The following SNUPN variants were observed in gnomAD, a reference collection of about 807,000 sequenced individuals.
The protein encoded by SNUPN is snurportin-1.
SNUPN carries 31 observed loss-of-function variants against 39.2 expected under a neutral mutation model. The observed-to-expected ratio is 0.79, with a 90% CI of 0.59 to 1.07. The LOEUF (loss-of-function observed/expected upper bound fraction) is 1.07. SNUPN is among the 50% of genes least tolerant of loss of function. The pLI, the probability that SNUPN is intolerant of heterozygous loss-of-function variation, is 0.00. For missense variants in SNUPN, 382 were observed against 434.2 expected (o/e 0.88, Z 1.07); for synonymous variants, 132 against 159.0 (o/e 0.83, Z 1.28).
At chr15:75,608,722 T>C (rs1487867510) in intron 5 of SNUPN, among the ~76,000 whole-genome samples, 4 of 152,170 alleles carry the variant, frequency 2.6e-5, no homozygotes, top group Admixed American at 6.5e-5. Context: ...TTGACCTTAA[T>C]TCAGGAATTT....
intron 7 of SNUPN, among the ~76,000 whole-genome samples, chr15:75,603,309 A>T (rs2075305257): frequency 6.9e-6 from 1 of 145,336 alleles, no homozygotes; most frequent in Admixed American, 6.8e-5. Flanking sequence ...GGCCTCCCAA[A>T]GTGCTGGGAT....
intron 2 of SNUPN, among the ~76,000 whole-genome samples, chr15:75,619,855 T>G (rs552267414): frequency 3.7e-4 from 57 of 152,126 alleles, no homozygotes; most frequent in Non-Finnish European, 6.9e-4. Context: ...TTCAAGTGAT[T>G]CTCCTGTCTC....
In SNUPN at chr15:75,611,754, T is replaced by C. The variant is rs547044023; in HGVS notation, c.304-1760A>G. On this transcript the variant is annotated intron_variant, in intron 3 of 8. Coordinates refer to ENST00000308588, the MANE Select transcript of SNUPN (RefSeq NM_005701.4). ...CCCGTAGTCCCAGCTACTCGGGAGG[T>C]TGAGGCGGGAGAATCACTTGAAGCT... Among the ~76,000 whole-genome samples, 16 of 151,316 alleles carry C rather than the reference T, an allele frequency of 1.1e-4. No homozygotes were observed. The South Asian group carries it at 2.7e-3, about 26-fold the overall frequency.
chr15:75,619,502 T>A (rs1260013338), intron 2 of SNUPN, among the ~76,000 whole-genome samples: 1 of 151,706 alleles, frequency 6.6e-6, no homozygotes, highest in African/African-American at 2.4e-5. Flanking sequence ...ATTAGCCAGG[T>A]GCTATGGAGT....
intron 1 of SNUPN, among the ~76,000 whole-genome samples, chr15:75,621,702 A>G (rs1893075891): frequency 6.6e-6 from 1 of 152,178 alleles, no homozygotes; most frequent in African/African-American, 2.4e-5. Context: ...TCCAGAGGAA[A>G]CACTGGTTCT....
intron 7 of SNUPN, 143 bp from the exon 8 acceptor site, chr15:75,601,361 G>T (rs2075285301): frequency 1.7e-6 from 1 of 590,896 alleles, no homozygotes; most frequent in Non-Finnish European, 3.1e-6. Flanking sequence ...GATCACCTGA[G>T]GTCAAGAAAT....
At chr15:75,610,215 T>G (rs185206336) in intron 3 of SNUPN, among the ~76,000 whole-genome samples, 1 of 151,772 alleles carries the variant, frequency 6.6e-6, no homozygotes, top group Non-Finnish European at 1.5e-5. Context: ...CTGGCCAACA[T>G]AGTGAAATCT....
intron 3 of SNUPN, among the ~76,000 whole-genome samples, chr15:75,616,719 C>T (rs777221464): frequency 5.9e-5 from 9 of 152,178 alleles, no homozygotes; most frequent in Non-Finnish European, 1.0e-4. Context: ...TTCTGAAATA[C>T]CTGAGCTGCC....
intron 1 of SNUPN, among the ~76,000 whole-genome samples, chr15:75,624,216 C>G (rs1329584459): frequency 1.3e-5 from 2 of 150,612 alleles, no homozygotes; most frequent in Non-Finnish European, 3.0e-5. Flanking sequence ...CGTGAGCCAC[C>G]GCGCCCGGCC....
At chr15:75,610,954 G>A (rs1187874622) in intron 3 of SNUPN, among the ~76,000 whole-genome samples, 1 of 152,060 alleles carries the variant, frequency 6.6e-6, no homozygotes, top group Admixed American at 6.6e-5. Flanking sequence ...CGGATCACGA[G>A]GTCAAGAGAT....
intron 3 of SNUPN, among the ~76,000 whole-genome samples, chr15:75,614,363 G>A (rs1892874733): frequency 2.0e-5 from 3 of 151,954 alleles, no homozygotes; most frequent in Admixed American, 2.0e-4. Context: ...CAAAAAGTAG[G>A]AGCAACTCAA....
At chr15:75,614,120 G>A (rs939255379) in intron 3 of SNUPN, among the ~76,000 whole-genome samples, 16 of 151,828 alleles carry the variant, frequency 1.1e-4, no homozygotes, top group Admixed American at 3.9e-4. Context: ...TGAAACTCCC[G>A]TCTCTACTAA....
rs538810129 is a variant in SNUPN, at chr15:75,602,433, G to A, written c.679-1215C>T. Reference sequence around the variant, plus strand: ...CCCAGCTACTTGGGAGGCTGAGGCAGAAGAATCGCTTGAACCTGGGAGGCG... The same window carrying A: ...CCCAGCTACTTGGGAGGCTGAGGCAAAAGAATCGCTTGAACCTGGGAGGCG... On this transcript the variant is annotated intron_variant, in intron 7 of 8. Transcript: ENST00000308588. Among the ~76,000 whole-genome samples the A allele has an allele frequency of 2.1e-4, 31 of 150,936 alleles. No individual in the cohort carries two copies. The South Asian group carries it at 4.6e-3, about 22-fold the overall frequency.
At position 75,607,231 on chromosome 15, in the gene SNUPN, A is replaced by G. The variant is rs887051490; in HGVS notation, c.585T>C (p.Pro195=). The G allele has an allele frequency of 6.2e-7, 1 of 1,612,878 alleles. No individual in the cohort carries two copies. The highest frequency in any genetic ancestry group is 8.5e-7 in the Non-Finnish European group (1 of 1,178,980). The change falls in exon 6 of 9, where the codon CCT becomes CCC. Residue 195 remains proline (P), a synonymous_variant. Coordinates refer to ENST00000308588, the MANE Select transcript of SNUPN (RefSeq NM_005701.4). The stretch of plus-strand genomic sequence containing the variant: ...CCATCCCTACCTGGCAATCATAAAA[A>G]GGGTGTCCCCGCCAGCACATCACAT... ...VLDVMCWRGH[P]FYDCQTDFRF... is the part of the protein sequence containing the mutation.
At chr15:75,598,744 C>CT (rs1218120061) in intron 8 of SNUPN, 63 bp from the exon 9 acceptor site, 1 of 1,344,046 alleles carries the variant, frequency 7.4e-7, no homozygotes, top group Non-Finnish European at 1.0e-6. Context: ...CCAGGAGAGC[C>CT]TATACACACA....
At chr15:75,606,629 G>A (rs921379399) in intron 6 of SNUPN, among the ~76,000 whole-genome samples, 2 of 152,266 alleles carry the variant, frequency 1.3e-5, no homozygotes, top group African/African-American at 2.4e-5. Context: ...ATCACCAATA[G>A]TAAAATGTTG....
intron 3 of SNUPN, among the ~76,000 whole-genome samples, chr15:75,616,163 G>C (rs1178378430): frequency 6.7e-6 from 1 of 148,798 alleles, no homozygotes; most frequent in Non-Finnish European, 1.5e-5. Flanking sequence ...TTTTTCTTTA[G>C]AGATGGGGTC....
At chr15:75,622,957 T>C (rs571194506) in intron 1 of SNUPN, among the ~76,000 whole-genome samples, 2 of 152,138 alleles carry the variant, frequency 1.3e-5, no homozygotes, top group Admixed American at 1.3e-4. Context: ...CTGGGCAATA[T>C]AGCAAGACCT....
Position 75,598,659 on chromosome 15 carries a change from T to C in SNUPN, c.782A>G (p.His261Arg). 1 of 1,604,838 alleles carries C rather than the reference T, an allele frequency of 6.2e-7. No homozygotes were observed. The highest frequency in any genetic ancestry group is 8.5e-7 in the Non-Finnish European group (1 of 1,172,432). ...TCCGGGGCTGTAGTGGGTCTGTTTG[T>C]GGTAGAAGAGAAGTCCATCTACCTA... ...PFEVDGLLFY[H>R]KQTHYSPGST... The change falls in exon 9 of 9, where the codon CAC becomes CGC. Residue 261 changes from histidine (H) to arginine (R), a missense_variant. Physicochemically the swap from His to Arg is conservative, Grantham distance 29. Transcript: ENST00000308588.
Sources: allele counts gnomAD v4.1 joint callset (sites outside exome capture counted in the v4.1 genomes callset), GRCh38; gene constraint gnomAD v4.1.1; transcripts MANE v1.5; gene names NCBI Gene and HGNC (gene_info 2026-07-23, HGNC 2026-07-21).